LINC00305: variants seen among roughly 807,000 people sequenced by gnomAD.
The protein encoded by LINC00305 is long intergenic non-protein coding RNA 305.
intron 3 of LINC00305, among the ~76,000 whole-genome samples, chr18:64,094,294 G>T (rs1382259030): frequency 6.6e-6 from 1 of 152,182 alleles, no homozygotes; most frequent in Non-Finnish European, 1.5e-5. Flanking sequence ...GTTTCACAAG[G>T]TCCCCTTCTG....
At chr18:64,117,010 A>G (rs1380853725) in intron 1 of LINC00305, among the ~76,000 whole-genome samples, 1 of 152,214 alleles carries the variant, frequency 6.6e-6, no homozygotes, top group Non-Finnish European at 1.5e-5. Flanking sequence ...AATGAGTTTC[A>G]TTCTTCACTC....
intron 1 of LINC00305, among the ~76,000 whole-genome samples, chr18:64,148,087 C>T (rs569709299): frequency 5.9e-5 from 9 of 152,112 alleles, no homozygotes; most frequent in African/African-American, 1.4e-4. Flanking sequence ...GACAAGGGAT[C>T]TTCCAGGTTG....
chr18:64,125,689 T>A (rs1172884209), intron 1 of LINC00305, among the ~76,000 whole-genome samples: 1 of 152,082 alleles, frequency 6.6e-6, no homozygotes, highest in Non-Finnish European at 1.5e-5. Flanking sequence ...CCTTTTACAG[T>A]GAGTCTGATA....
intron 1 of LINC00305, among the ~76,000 whole-genome samples, chr18:64,112,026 C>G (rs1451462674): frequency 6.6e-6 from 1 of 152,078 alleles, no homozygotes; most frequent in East Asian, 1.9e-4. Flanking sequence ...TCGTGTGGAT[C>G]TTTTAACAGT....
intron 3 of LINC00305, among the ~76,000 whole-genome samples, chr18:64,081,860 G>T (rs535597488): frequency 6.6e-6 from 1 of 152,270 alleles, no homozygotes; most frequent in Non-Finnish European, 1.5e-5. Flanking sequence ...TGACCACATG[G>T]TTTGGCAAGC....
chr18:64,134,734 T>C (rs2051424870), intron 1 of LINC00305, among the ~76,000 whole-genome samples: 1 of 152,234 alleles, frequency 6.6e-6, no homozygotes, highest in South Asian at 2.1e-4. Flanking sequence ...TGTAATATTT[T>C]CCCAAAACAA....
chr18:64,109,288 T>G (rs138970385), intron 1 of LINC00305, among the ~76,000 whole-genome samples: 2 of 152,294 alleles, frequency 1.3e-5, no homozygotes, highest in East Asian at 3.9e-4. Context: ...AAGAGTATGA[T>G]AGCTTGTCAT....
Position 64,080,336 on chromosome 18 carries a change from A to T in LINC00305, n.607T>A, listed in dbSNP as rs142000593. 132 of 457,684 alleles carry T rather than the reference A, an allele frequency of 2.9e-4. No homozygotes were observed. The East Asian group carries it at 8.7e-3, about 30-fold the overall frequency. 28.4% of individuals were successfully genotyped at this position (457,684 alleles called of 1,614,324 possible). ...TCCTTTCCTCTTCTCTTTGACAACC[A>T]TGTGGCTTTCTTCCTTGCTTCCTTC... On this transcript the variant is annotated non_coding_transcript_exon_variant, in exon 4 of 4. Coordinates refer to ENST00000666468, the Ensembl canonical transcript of LINC00305.
intron 1 of LINC00305, among the ~76,000 whole-genome samples, chr18:64,119,811 G>T (rs906636553): frequency 3.3e-5 from 5 of 152,014 alleles, no homozygotes; most frequent in African/African-American, 4.8e-5. Context: ...CTCAAAGACC[G>T]ATCTGCTCAG....
intron 1 of LINC00305, among the ~76,000 whole-genome samples, chr18:64,140,962 G>A (rs2051459545): frequency 6.7e-6 from 1 of 150,326 alleles, no homozygotes; most frequent in Admixed American, 6.7e-5. Context: ...GAAGCGGAGA[G>A]TGGCCCTCAG....
chr18:64,120,546 G>A (rs1324812623), intron 1 of LINC00305, among the ~76,000 whole-genome samples: 2 of 151,686 alleles, frequency 1.3e-5, no homozygotes, highest in African/African-American at 2.4e-5. Flanking sequence ...TTGTTTTGGC[G>A]CTAACTTTCT....
chr18:64,098,982 T>C (rs2051257836), intron 1 of LINC00305, among the ~76,000 whole-genome samples: 2 of 152,138 alleles, frequency 1.3e-5, no homozygotes, highest in Non-Finnish European at 2.9e-5. Flanking sequence ...AGTCATCCCA[T>C]GAATAGAAGG....
exon 4 of LINC00305, chr18:64,080,005 C>G (rs2051178625): frequency 6.4e-6 from 1 of 157,354 alleles, no homozygotes; most frequent in Non-Finnish European, 1.4e-5. Flanking sequence ...TTTAGAAGAA[C>G]AAGAAAGTTA....
At chr18:64,123,111 T>C (rs905183781) in intron 1 of LINC00305, among the ~76,000 whole-genome samples, 5 of 152,136 alleles carry the variant, frequency 3.3e-5, no homozygotes, top group African/African-American at 1.2e-4. Context: ...TGTAAGATTA[T>C]ATAATCAGTG....
chr18:64,102,932 C>T (rs532048371), intron 1 of LINC00305, among the ~76,000 whole-genome samples: 4 of 152,244 alleles, frequency 2.6e-5, no homozygotes, highest in Admixed American at 6.5e-5. Context: ...TGCATCTGAA[C>T]GTGAGATTTG....
At chr18:64,129,314 T>C (rs1001694449) in intron 1 of LINC00305, among the ~76,000 whole-genome samples, 7 of 152,170 alleles carry the variant, frequency 4.6e-5, no homozygotes, top group African/African-American at 1.7e-4. Flanking sequence ...ACTGATTTGC[T>C]AATTTTAAAA....
intron 1 of LINC00305, among the ~76,000 whole-genome samples, chr18:64,104,769 A>G (rs937840326): frequency 6.6e-6 from 1 of 151,972 alleles, no homozygotes; most frequent in African/African-American, 2.4e-5. Flanking sequence ...GACAAACAAA[A>G]TTTTCTTTGA....
chr18:64,099,159 A>G (rs1162098428), intron 1 of LINC00305, among the ~76,000 whole-genome samples: 1 of 152,172 alleles, frequency 6.6e-6, no homozygotes, highest in Non-Finnish European at 1.5e-5. Flanking sequence ...AAAAGCAGAT[A>G]TTCCTTATAA....
chr18:64,139,398 G>A (rs1052504117), intron 1 of LINC00305: 1 of 152,176 alleles, frequency 6.6e-6, no homozygotes, highest in Non-Finnish European at 1.5e-5. Context: ...ATCCCTAGGA[G>A]AGCCACTTTG....
Sources: allele counts gnomAD v4.1 joint callset (sites outside exome capture counted in the v4.1 genomes callset), GRCh38; gene constraint gnomAD v4.1.1; transcripts MANE v1.5; gene names NCBI Gene and HGNC (gene_info 2026-07-23, HGNC 2026-07-21).